Variants in MATN3 observed in about 807,000 individuals in gnomAD.
MATN3 encodes the protein matrilin-3.
Under a neutral mutation model 45.3 loss-of-function variants are expected in MATN3, and 48 were observed. The observed-to-expected ratio is 1.06, with a 90% CI of 0.84 to 1.35. MATN3 has a LOEUF of 1.35. Among genes scored for constraint, MATN3 ranks in the 40% most tolerant of loss-of-function variants. The probability of loss-of-function intolerance (pLI) is 0.00; values close to 1 mark genes in which losing one functional copy is unlikely to be tolerated. For synonymous variants in MATN3, 217 were observed against 245.9 expected (o/e 0.88, Z 1.10); for missense variants, 599 against 628.0 (o/e 0.95, Z 0.49).
intron 1 of MATN3, among the ~76,000 whole-genome samples, chr2:20,009,604 A>C (rs1328035012): frequency 6.6e-6 from 1 of 152,168 alleles, no homozygotes; most frequent in Non-Finnish European, 1.5e-5. Flanking sequence ...TATGTAACAA[A>C]CCTGCACATT....
At chr2:20,000,937 G>A (rs1340218770) in intron 4 of MATN3, among the ~76,000 whole-genome samples, 1 of 152,182 alleles carries the variant, frequency 6.6e-6, no homozygotes, top group Non-Finnish European at 1.5e-5. Flanking sequence ...ATTAGAGTTT[G>A]AAGAAATTGT....
Position 20,005,937 on chromosome 2 carries a change from G to A in MATN3, c.597C>T (p.Pro199=). 6.2e-7 allele frequency: 1 copy of A among 1,613,770 alleles called. No individual in the cohort carries two copies. Among genetic ancestry groups the A allele is most frequent in the Non-Finnish European group, 8.5e-7 (1 of 1,179,780 alleles). Residue 199 remains proline, a synonymous_variant, in exon 2 of 8, where the codon CCC becomes CCT. Coordinates refer to ENST00000407540, the MANE Select transcript of MATN3 (RefSeq NM_002381.5). ...KVAIIVTDGR[P]QDQVNEVAAR... is the part of the protein sequence containing the mutation. ...CCGCCACCTCATTCACCTGGTCCTG[G>A]GGCCTCCCATCTGTAACAATGATGG...
chr2:20,012,499 C>G lies in MATN3; in HGVS notation c.133G>C (p.Gly45Arg), dbSNP rs1052839893. The change falls in exon 1 of 8, where the codon GGG becomes CGG. Residue 45 changes from glycine (G) to arginine (R), a missense_variant. Physicochemically the swap from Gly to Arg is moderately radical, Grantham distance 125 (BLOSUM62 -2). Transcript: ENST00000407540. The surrounding 1 kb of genome is among the most constrained non-coding windows in gnomAD (Gnocchi z 4.3). ...GAGGGGCGGCGTCCAGGGCTGCCCC[C>G]GGGACCTCGGGTCTCCAGCCTCCGG... is the stretch of plus-strand genomic sequence containing the variant. ...GFRRLETRGP[G>R]GSPGRRPSPA... 9.8e-6 allele frequency: 12 copies of G among 1,228,578 alleles called. No individual in the cohort carries two copies. The African/African-American group carries it at 1.1e-4, about 11-fold the overall frequency. 76.1% of individuals were successfully genotyped at this position (1,228,578 alleles called of 1,614,324 possible). A position where few individuals can be genotyped will look rare whatever the true frequency, so the allele number is the denominator to read the frequency against.
intron 4 of MATN3, among the ~76,000 whole-genome samples, chr2:20,000,797 T>C (rs1672970947): frequency 6.6e-6 from 1 of 152,236 alleles, no homozygotes; most frequent in Non-Finnish European, 1.5e-5. Context: ...ATCATCAGTA[T>C]TGAGTTTTTA....
chr2:20,007,923 A>G (rs749895983), intron 1 of MATN3, among the ~76,000 whole-genome samples: 2 of 152,152 alleles, frequency 1.3e-5, no homozygotes, highest in Non-Finnish European at 2.9e-5. Context: ...AATCAAATCC[A>G]CAAGTCAGGA....
At chr2:19,997,795 C>T (rs1672908872) in intron 5 of MATN3, 1 of 149,772 alleles carries the variant, frequency 6.7e-6, no homozygotes, top group African/African-American at 2.5e-5. Context: ...CACACACAAG[C>T]ACAGATGGGG....
intron 5 of MATN3, chr2:19,999,122 T>G (rs1017849359): frequency 6.9e-6 from 1 of 145,218 alleles, no homozygotes; most frequent in Non-Finnish European, 1.5e-5. Context: ...TTGATTTATG[T>G]TTTTTTTTAA....
In MATN3 at chr2:20,012,235, T is replaced by C. The variant is rs1673231356; in HGVS notation, c.223+174A>G. On this transcript the variant is annotated intron_variant, in intron 1 of 7. Coordinates refer to ENST00000407540, the MANE Select transcript of MATN3 (RefSeq NM_002381.5). The surrounding 1 kb of genome is among the most constrained non-coding windows in gnomAD (Gnocchi z 4.3). ...TCTAGCCTGGACACATGAGTGATAT[T>C]GGGCATCTCCCTCCCCTTCTCTGGA... Among the ~76,000 whole-genome samples the C allele has an allele frequency of 6.6e-6, 1 of 152,230 alleles. No individual in the cohort carries two copies. The highest frequency in any genetic ancestry group is 2.4e-5 in the African/African-American group (1 of 41,454).
chr2:20,002,801 C>T (rs1264485145), intron 3 of MATN3, among the ~76,000 whole-genome samples: 1 of 151,832 alleles, frequency 6.6e-6, no homozygotes, highest in Admixed American at 6.6e-5. Flanking sequence ...GATGGGGTCT[C>T]ACCATGTTCT....
chr2:19,992,215 G>GTT lies in MATN3; in HGVS notation c.*894_*895dup, dbSNP rs1205458397. The GTT allele has an allele frequency of 1.3e-5, 2 of 152,044 alleles. No homozygotes were observed. Among genetic ancestry groups the GTT allele is most frequent in the Non-Finnish European group, 2.9e-5 (2 of 67,966 alleles). 9.4% of individuals were successfully genotyped at this position (152,044 alleles called of 1,614,324 possible). A position where few individuals can be genotyped will look rare whatever the true frequency, so the allele number is the denominator to read the frequency against. ...GACTGTTTTGTTCTCAAAGTTGCAA[G>GTT]TTTCAAAGCCAAAAGAATTATATGT... is the stretch of plus-strand genomic sequence containing the variant. On this transcript the variant is annotated 3_prime_UTR_variant, in exon 8 of 8. Transcript: ENST00000407540.
At chr2:20,008,033 G>T (rs1165964595) in intron 1 of MATN3, among the ~76,000 whole-genome samples, 6 of 152,096 alleles carry the variant, frequency 3.9e-5, no homozygotes. Flanking sequence ...TGCAATCTTG[G>T]CTCACTGCAA....
At chr2:20,004,423 T>C (rs1198832796) in intron 2 of MATN3, among the ~76,000 whole-genome samples, 1 of 152,156 alleles carries the variant, frequency 6.6e-6, no homozygotes, top group Non-Finnish European at 1.5e-5. Flanking sequence ...GAGGGTGATT[T>C]CCTGGGAGAA....
chr2:20,000,062 A>G (rs1367275124), intron 5 of MATN3, among the ~76,000 whole-genome samples: 1 of 152,238 alleles, frequency 6.6e-6, no homozygotes, highest in East Asian at 1.9e-4. Context: ...TTCCAGGCCA[A>G]GTTTTAACTG....
In MATN3 at chr2:19,999,714, G is replaced by C. The variant is rs142460243; in HGVS notation, c.1168+727C>G. Among the ~76,000 whole-genome samples the C allele has an allele frequency of 3.0e-4, 45 of 151,812 alleles. No homozygotes were observed. The East Asian group carries it at 8.1e-3, about 27-fold the overall frequency. On this transcript the variant is annotated intron_variant, in intron 5 of 7. Coordinates refer to ENST00000407540, the MANE Select transcript of MATN3 (RefSeq NM_002381.5). Reference sequence around the variant, plus strand: ...TTGATGAAGTCTGTATGTCCTCAAGGGAGAGGAAAATATATGTCAAATCTA... The same window carrying C: ...TTGATGAAGTCTGTATGTCCTCAAGCGAGAGGAAAATATATGTCAAATCTA...
intron 3 of MATN3, 92 bp downstream of exon 3, chr2:20,003,069 G>A (rs1454281605): frequency 8.8e-6 from 13 of 1,475,112 alleles, no homozygotes; most frequent in Middle Eastern, 2.1e-4. Flanking sequence ...GGTAAAAAGG[G>A]GTCAGAGAGT....
In MATN3 at chr2:20,002,056, G is replaced by T. The variant is rs1156394368; in HGVS notation, c.941C>A (p.Thr314Asn). ...CACACAGATGTGCTCACATCCGTGG[G>T]TGTTAAGAGCACACCTATCAAGAGC... ...CSALDRCALN[T>N]HGCEHICVND... The change falls in exon 4 of 8, where the codon ACC becomes AAC. Residue 314 changes from threonine to asparagine, a missense_variant. Coordinates refer to ENST00000407540, the MANE Select transcript of MATN3 (RefSeq NM_002381.5). 2 of 1,613,164 alleles carry T rather than the reference G, an allele frequency of 1.2e-6. No homozygotes were observed. The highest frequency in any genetic ancestry group is 1.7e-6 in the Non-Finnish European group (2 of 1,179,502).
At chr2:20,007,924 C>T (rs1673143802) in intron 1 of MATN3, among the ~76,000 whole-genome samples, 1 of 152,234 alleles carries the variant, frequency 6.6e-6, no homozygotes, top group Non-Finnish European at 1.5e-5. Flanking sequence ...ATCAAATCCA[C>T]AAGTCAGGAT....
Position 20,012,331 on chromosome 2 carries a change from G to T in MATN3, c.223+78C>A. ...CCGCACCACGGTCGGCCTGAGGCCG[G>T]GATGAAGCGCGCTTGGTGGATGCCC... On this transcript the variant is annotated intron_variant, in intron 1 of 7. Coordinates refer to ENST00000407540, the MANE Select transcript of MATN3 (RefSeq NM_002381.5). The surrounding 1 kb of genome is among the most constrained non-coding windows in gnomAD (Gnocchi z 4.3). The T allele has an allele frequency of 8.9e-7, 1 of 1,128,448 alleles. No individual in the cohort carries two copies. The highest frequency in any genetic ancestry group is 1.1e-6 in the Non-Finnish European group (1 of 896,002). 69.9% of individuals were successfully genotyped at this position (1,128,448 alleles called of 1,614,324 possible).
chr2:20,002,445 A>C (rs1287858504), intron 3 of MATN3, among the ~76,000 whole-genome samples: 2 of 152,242 alleles, frequency 1.3e-5, no homozygotes, highest in Non-Finnish European at 2.9e-5. Context: ...GTACCAGACC[A>C]GTGAGTACCC....
Sources: gnomAD v4.1 joint callset for allele counts (sites outside exome capture counted in the v4.1 genomes callset) on GRCh38, gnomAD v4.1.1 for gene constraint, Gnocchi (gnomAD v3.1) non-coding constraint, MANE v1.5 for transcripts, NCBI Gene and HGNC (gene_info 2026-07-23, HGNC 2026-07-21) for gene names.